Variants in FOXN3 observed in about 807,000 individuals in gnomAD.
FOXN3 encodes the protein forkhead box protein N3.
A neutral mutation model predicts 38.4 loss-of-function variants in FOXN3; 7 were observed. The observed-to-expected ratio is 0.18, with a 90% confidence interval of 0.10 to 0.34. The LOEUF (loss-of-function observed/expected upper bound fraction) is 0.34. Ranked by LOEUF, FOXN3 falls within the 10% of genes least tolerant of loss-of-function variation. The pLI is 1.00. For missense variants in FOXN3, 456 were observed against 613.4 expected, an observed-to-expected ratio of 0.74 and a Z score of 2.71; for synonymous variants, 230 against 242.2, an observed-to-expected ratio of 0.95 and a Z score of 0.47.
chr14:89,156,604 T>C lies in FOXN3; in HGVS notation c.*5810A>G, dbSNP rs201063978. ...GTCAGACGACCCTAAGCATCAATAG[T>C]AAACCTCTTGGTCTTCTGATTGCTT... On this transcript the variant is annotated 3_prime_UTR_variant, in exon 6 of 6. Coordinates refer to ENST00000557258, the MANE Select transcript of FOXN3 (RefSeq NM_005197.4). 4 of 152,042 alleles carry C rather than the reference T, an allele frequency of 2.6e-5. No homozygotes were observed. The East Asian group carries it at 5.8e-4, about 22-fold the overall frequency. 9.4% of individuals were successfully genotyped at this position (152,042 alleles called of 1,614,324 possible).
chr14:89,326,914 G>A (rs1285859683), intron 3 of FOXN3, among the ~76,000 whole-genome samples: 11 of 152,142 alleles, frequency 7.2e-5, no homozygotes, highest in South Asian at 4.1e-4. Flanking sequence ...AGTGCTTCCC[G>A]TGCCTGACAT....
At chr14:89,346,217 G>T (rs1888755092) in intron 3 of FOXN3, among the ~76,000 whole-genome samples, 1 of 152,040 alleles carries the variant, frequency 6.6e-6, no homozygotes, top group Admixed American at 6.5e-5. Context: ...CCATATCTTT[G>T]CAGCAGCAAA....
intron 3 of FOXN3, among the ~76,000 whole-genome samples, chr14:89,336,925 A>G (rs3783853): frequency 0.52 from 78,347 of 151,944 alleles, 21,194 homozygotes; most frequent in Admixed American, 0.6. Flanking sequence ...AACATGCCAC[A>G]TCTAAGGGGT....
intron 1 of FOXN3, among the ~76,000 whole-genome samples, chr14:89,555,518 A>G (rs752260156): frequency 2.0e-5 from 3 of 152,168 alleles, no homozygotes; most frequent in Non-Finnish European, 2.9e-5. Context: ...ATCTTGTCAT[A>G]TGCTTAAGAG....
intron 4 of FOXN3, among the ~76,000 whole-genome samples, chr14:89,228,221 G>A (rs1490841897): frequency 6.6e-6 from 1 of 152,212 alleles, no homozygotes; most frequent in African/African-American, 2.4e-5. Flanking sequence ...TCATTTGATG[G>A]TCTGATAAAA....
At chr14:89,527,839 T>C (rs1894463900) in intron 1 of FOXN3, among the ~76,000 whole-genome samples, 1 of 151,982 alleles carries the variant, frequency 6.6e-6, no homozygotes, top group Non-Finnish European at 1.5e-5. Context: ...GTAGCTGGTA[T>C]TGCAGGTGTG....
At chr14:89,439,890 G>A (rs1258453519) in intron 1 of FOXN3, among the ~76,000 whole-genome samples, 4 of 151,806 alleles carry the variant, frequency 2.6e-5, no homozygotes, top group Non-Finnish European at 5.9e-5. Context: ...TCCTGACGTC[G>A]TGATCCACCC....
intron 3 of FOXN3, among the ~76,000 whole-genome samples, chr14:89,322,992 A>C (rs1324705142): frequency 6.6e-6 from 1 of 152,218 alleles, no homozygotes; most frequent in African/African-American, 2.4e-5. Flanking sequence ...AATGGCAATA[A>C]AGAATGACAG....
chr14:89,423,690 T>C (rs1042313681), intron 1 of FOXN3, among the ~76,000 whole-genome samples: 2 of 152,100 alleles, frequency 1.3e-5, no homozygotes, highest in Non-Finnish European at 2.9e-5. Context: ...AAATGCAAAT[T>C]AAAGCAATTG....
intron 3 of FOXN3, among the ~76,000 whole-genome samples, chr14:89,304,341 T>A (rs948166702): frequency 1.3e-5 from 2 of 151,868 alleles, no homozygotes; most frequent in Admixed American, 1.3e-4. Context: ...GCAGGGAAAA[T>A]CCAAAATGTC....
chr14:89,399,137 C>T (rs1555351565), intron 2 of FOXN3, among the ~76,000 whole-genome samples: 1 of 152,220 alleles, frequency 6.6e-6, no homozygotes, highest in Non-Finnish European at 1.5e-5. Context: ...TGCACAGGCC[C>T]CTGTTCTGAC....
intron 2 of FOXN3, among the ~76,000 whole-genome samples, chr14:89,362,266 T>A (rs1422534611): frequency 1.4e-4 from 1 of 7,008 alleles, no homozygotes; most frequent in African/African-American, 5.3e-4. Context: ...CACCACCACC[T>A]CCTCCTCCTC....
At chr14:89,443,267 G>A (rs934993715) in intron 1 of FOXN3, among the ~76,000 whole-genome samples, 2 of 152,134 alleles carry the variant, frequency 1.3e-5, no homozygotes, top group Non-Finnish European at 2.9e-5. Flanking sequence ...AGGGAAAGAG[G>A]TCCTCCCTTG....
intron 1 of FOXN3, among the ~76,000 whole-genome samples, chr14:89,446,146 G>T (rs1169898645): frequency 7.7e-6 from 1 of 130,354 alleles, no homozygotes. Flanking sequence ...ACCCAGGTCT[G>T]ATTCCTTCTT....
At chr14:89,255,561 A>G (rs1304069646) in intron 4 of FOXN3, among the ~76,000 whole-genome samples, 1 of 152,036 alleles carries the variant, frequency 6.6e-6, no homozygotes, top group Non-Finnish European at 1.5e-5. Flanking sequence ...ATCTTAAGAA[A>G]TGGTCCCATC....
At chr14:89,257,838 G>A (rs551558050) in intron 4 of FOXN3, among the ~76,000 whole-genome samples, 3 of 152,276 alleles carry the variant, frequency 2.0e-5, no homozygotes, top group South Asian at 2.1e-4. Context: ...TCGATGTCCC[G>A]TGGATTTTGA....
Position 89,323,166 on chromosome 14 carries a change from C to T in FOXN3, c.680+27506G>A, listed in dbSNP as rs369647063. Among the ~76,000 whole-genome samples, 350 of 151,472 alleles carry T rather than the reference C, an allele frequency of 2.3e-3. 3 individuals carry two copies. The highest frequency in any genetic ancestry group is 7.9e-3 in the African/African-American group (326 of 41,296). On this transcript the variant is annotated intron_variant, in intron 3 of 5. Transcript: ENST00000557258. ...AGCCAGGCGTGGTGGCAGGCAACTG[C>T]AGTCCCAGCTACTCGGGAGGCTGAG...
At chr14:89,525,631 T>TAA (rs55848557) in intron 1 of FOXN3, among the ~76,000 whole-genome samples, 7,173 of 123,776 alleles carry the variant, frequency 0.058, 275 homozygotes, top group East Asian at 0.15. Context: ...TTGTTTTCAC[T>TAA]AAAAAAAAAA....
intron 3 of FOXN3, among the ~76,000 whole-genome samples, chr14:89,311,091 C>T (rs1363019503): frequency 4.7e-5 from 6 of 126,860 alleles, no homozygotes; most frequent in African/African-American, 1.9e-4. Flanking sequence ...GGGCAACAAT[C>T]GCGAAACTCC....
Sources: allele counts gnomAD v4.1 joint callset (sites outside exome capture counted in the v4.1 genomes callset), GRCh38; gene constraint gnomAD v4.1.1; transcripts MANE v1.5; gene names NCBI Gene and HGNC (gene_info 2026-07-23, HGNC 2026-07-21).